Variants in RFC5 observed in about 807,000 individuals in gnomAD.
RFC5 encodes replication factor C subunit 5.
Under a neutral mutation model 44.3 loss-of-function variants are expected in RFC5, and 26 were observed. The observed-to-expected ratio is 0.59, with a 90% confidence interval of 0.43 to 0.81. The LOEUF (loss-of-function observed/expected upper bound fraction) is 0.81, where lower values mean the gene tolerates loss of function less well. Among genes scored for constraint, RFC5 ranks in the 40% least tolerant of loss-of-function variants. The probability of loss-of-function intolerance (pLI) is 0.00; values close to 1 mark genes in which losing one functional copy is unlikely to be tolerated. For missense variants in RFC5, 328 were observed against 418.6 expected (o/e 0.78, Z 1.89); for synonymous variants, 155 against 155.2 (o/e 1.00, Z 0.01).
At chr12:118,034,160 T>C (rs1214630064), downstream of RFC5, 2 of 1,612,708 alleles carry the variant, frequency 1.2e-6, no homozygotes, top group African/African-American at 2.7e-5. Context: ...CAGGACGATT[T>C]ACCCTGCTAC....
intron 7 of RFC5, 83 bp from the exon 8 acceptor site, chr12:118,026,806 G>A (rs898947662): frequency 6.0e-6 from 9 of 1,500,022 alleles, no homozygotes; most frequent in Non-Finnish European, 6.4e-6. Flanking sequence ...TTGCTGCCTT[G>A]GCAATTTCTT....
downstream of RFC5, among the ~76,000 whole-genome samples, chr12:118,037,395 G>A (rs553139406): frequency 1.1e-3 from 161 of 152,256 alleles, 1 homozygote; most frequent in African/African-American, 3.8e-3. Context: ...GGCCAGGCGC[G>A]GTGGCTCACG....
the RFC5 span, among the ~76,000 whole-genome samples, chr12:118,039,646 G>A: frequency 6.6e-6 from 1 of 151,942 alleles, no homozygotes; most frequent in African/African-American, 2.4e-5. Flanking sequence ...CAAGAAAGAA[G>A]AAAAAATAAT....
chr12:118,020,102 G>T (rs1277183525), intron 3 of RFC5, among the ~76,000 whole-genome samples: 1 of 152,180 alleles, frequency 6.6e-6, no homozygotes, highest in Admixed American at 6.5e-5. Context: ...TTCCTGCCTG[G>T]AAGGCTGAGC....
intron 8 of RFC5, 99 bp downstream of exon 8, chr12:118,027,117 G>A (rs149616568): frequency 2.4e-6 from 3 of 1,233,182 alleles, no homozygotes; most frequent in Non-Finnish European, 3.4e-6. Context: ...AAGGATGACT[G>A]GCTGCAGGCG....
chr12:118,022,439 G>A (rs774083758), intron 5 of RFC5, 80 bp downstream of exon 5: 3 of 1,012,412 alleles, frequency 3.0e-6, no homozygotes, highest in Non-Finnish European at 4.6e-6. Flanking sequence ...TGTTGCTGTT[G>A]TCATTGTTTT....
chr12:118,023,166 C>G (rs566299946), intron 5 of RFC5, among the ~76,000 whole-genome samples: 2 of 151,868 alleles, frequency 1.3e-5, no homozygotes, highest in Non-Finnish European at 2.9e-5. Flanking sequence ...TTGAGGTGCT[C>G]AGAGAGCTGA....
At chr12:118,021,285 C>A (rs1050120210) in intron 4 of RFC5, among the ~76,000 whole-genome samples, 3 of 151,458 alleles carry the variant, frequency 2.0e-5, no homozygotes, top group Non-Finnish European at 4.4e-5. Context: ...GATCTCGGCT[C>A]ACTGCAACCT....
At chr12:118,034,172 A>T, downstream of RFC5, 1 of 1,613,764 alleles carries the variant, frequency 6.2e-7, no homozygotes, top group Non-Finnish European at 8.5e-7. Context: ...CCCTGCTACA[A>T]AGAAGCACAA....
rs1481084020 is a variant in RFC5 at position 118,016,910 on chromosome 12, G to A, written c.65+18G>A. The A allele has an allele frequency of 1.9e-6, 3 of 1,608,378 alleles. No individual in the cohort carries two copies. The highest frequency in any genetic ancestry group is 2.7e-5 in the African/African-American group (2 of 74,814). ...CTGCCCTGGTAGGAGGAGGCCGAGC[G>A]GCGGCGGTGGGCAGAGGGGGCCAGG... is the stretch of plus-strand genomic sequence containing the variant. On this transcript the variant is annotated intron_variant, in intron 1 of 10. Coordinates refer to ENST00000454402, the MANE Select transcript of RFC5 (RefSeq NM_007370.7).
At chr12:118,040,509 C>T in the RFC5 span, among the ~76,000 whole-genome samples, 1 of 152,080 alleles carries the variant, frequency 6.6e-6, no homozygotes, top group Non-Finnish European at 1.5e-5. Context: ...ACCTGTAATC[C>T]CAGCACTTTG....
At chr12:118,032,535 G>C (rs559592900), downstream of RFC5, 3 of 152,058 alleles carry the variant, frequency 2.0e-5, no homozygotes, top group Non-Finnish European at 4.4e-5. Flanking sequence ...TGACACGATC[G>C]TGGCTCGCTA....
At chr12:118,034,556 C>A, downstream of RFC5, 1 of 549,550 alleles carries the variant, frequency 1.8e-6, no homozygotes, top group Non-Finnish European at 3.0e-6. Flanking sequence ...AAACTCAAGA[C>A]ACCTGTGATA....
downstream of RFC5, chr12:118,036,404 G>A (rs2031512134): frequency 6.2e-7 from 1 of 1,614,092 alleles, no homozygotes; most frequent in Admixed American, 1.7e-5. Flanking sequence ...GTAAGAAGCC[G>A]TGACAAGCAG....
intron 1 of RFC5, chr12:118,017,669 T>G: frequency 9.8e-7 from 1 of 1,025,034 alleles, no homozygotes; most frequent in Non-Finnish European, 1.3e-6. Context: ...TTTTATGTAT[T>G]TACGTATTTT....
At position 118,019,796 on chromosome 12, in the gene RFC5, ATAACT is replaced by A. The variant is rs759097974; in HGVS notation, c.267+32_267+36del. 112 of 1,588,816 alleles carry A rather than the reference ATAACT, an allele frequency of 7.0e-5. No individual in the cohort carries two copies. Among genetic ancestry groups the A allele is most frequent in the South Asian group, 1.2e-4 (11 of 89,472 alleles). On this transcript the variant is annotated intron_variant, in intron 3 of 10. Transcript: ENST00000454402. This position sits in a 1 kb window ranked among gnomAD's most constrained non-coding sequence, Gnocchi z 4.2. The stretch of plus-strand genomic sequence containing the variant: ...AAATAAGATTGTTCTTACTCTACAA[ATAACT>A]TAAGAGACTCCAGTCTCTTAATTTC...
At chr12:118,022,743 G>A (rs532834099) in intron 5 of RFC5, among the ~76,000 whole-genome samples, 13 of 152,072 alleles carry the variant, frequency 8.5e-5, no homozygotes, top group Non-Finnish European at 7.4e-5. Flanking sequence ...GGGATTACAG[G>A]AGAATTAGGA....
the RFC5 span, chr12:118,038,403 A>C: frequency 6.2e-7 from 1 of 1,612,738 alleles, no homozygotes; most frequent in Non-Finnish European, 8.5e-7. Flanking sequence ...CAGGAAAAAG[A>C]AGCAAACAAT....
In RFC5 at chr12:118,026,971, A is replaced by G. The variant is rs758605104; in HGVS notation, c.746A>G (p.Asn249Ser). The G allele has an allele frequency of 8.7e-6, 14 of 1,613,892 alleles. No homozygotes were observed. The highest frequency in any genetic ancestry group is 1.2e-5 in the Non-Finnish European group (14 of 1,179,986). Reference protein sequence around the residue: ...TGHPLKSDIANILDWMLNQDF... With the variant: ...TGHPLKSDIASILDWMLNQDF... ...CACCCGCTCAAGTCAGACATTGCCA[A>G]CATCCTGGACTGGATGTTGAATCAA... The change falls in exon 8 of 11, where the codon AAC (asparagine) becomes AGC (serine). Residue 249 changes from asparagine to serine, a missense_variant. By Grantham distance (46) the Asn-to-Ser change is conservative (BLOSUM62 1). Transcript: ENST00000454402.
Sources: gnomAD v4.1 joint callset for allele counts (sites outside exome capture counted in the v4.1 genomes callset) on GRCh38, gnomAD v4.1.1 for gene constraint, Gnocchi (gnomAD v3.1) non-coding constraint, MANE v1.5 for transcripts, NCBI Gene and HGNC (gene_info 2026-07-23, HGNC 2026-07-21) for gene names.